The following METAP2 variants were observed in gnomAD, a reference collection of about 807,000 sequenced individuals.
METAP2 encodes the protein methionyl aminopeptidase 2.
In METAP2, 25 loss-of-function variants were observed where a neutral mutation model predicts 59.4. The observed-to-expected ratio is 0.42, with a 90% CI of 0.31 to 0.59. METAP2 has a LOEUF of 0.59. METAP2 is among the 20% of genes least tolerant of loss of function. The pLI, the probability that METAP2 is intolerant of heterozygous loss-of-function variation, is 0.16. For synonymous variants in METAP2, 214 were observed against 194.1 expected (o/e 1.10, Z -0.85); for missense variants, 366 against 581.2 (o/e 0.63, Z 3.81).
At chr12:95,485,778 A>G (rs2076191999) in intron 3 of METAP2, 101 bp from the exon 4 acceptor site, 2 of 755,890 alleles carry the variant, frequency 2.6e-6, no homozygotes, top group South Asian at 2.4e-5. Context: ...AGTTTCCTTA[A>G]AATCAGAACA....
At chr12:95,499,932 A>C (rs972914579) in intron 7 of METAP2, among the ~76,000 whole-genome samples, 2 of 152,186 alleles carry the variant, frequency 1.3e-5, no homozygotes, top group Non-Finnish European at 2.9e-5. Context: ...AGAACTTCCT[A>C]TCATGAGAAC....
rs548461203 is a variant in METAP2, at chr12:95,478,525, G to A, written c.259+2347G>A. 1.0e-3 allele frequency among the ~76,000 whole-genome samples: 155 copies of A among 152,136 alleles called. 1 individual carries two copies. Among genetic ancestry groups the A allele is most frequent in the Middle Eastern group, 3.4e-3 (1 of 294 alleles). ...TGGGTGCCTGTAATCCCAGCTACTC[G>A]GGAGGCTGAGGCAGGAAAATTGCTT... is the stretch of plus-strand genomic sequence containing the variant. On this transcript the variant is annotated intron_variant, in intron 2 of 10. Coordinates refer to ENST00000323666, the MANE Select transcript of METAP2 (RefSeq NM_006838.4).
intron 8 of METAP2, among the ~76,000 whole-genome samples, chr12:95,507,443 C>T (rs1240643419): frequency 1.3e-5 from 2 of 152,368 alleles, no homozygotes; most frequent in South Asian, 2.1e-4. Context: ...ATTTTTTCCA[C>T]GTTGCATAAA....
chr12:95,505,628 G>A (rs2076352993), intron 8 of METAP2, among the ~76,000 whole-genome samples: 3 of 152,080 alleles, frequency 2.0e-5, no homozygotes, highest in Non-Finnish European at 1.5e-5. Context: ...CTGAGTAGCT[G>A]AGATTACAGA....
chr12:95,480,927 A>C (rs776895939), intron 2 of METAP2, among the ~76,000 whole-genome samples: 19 of 152,206 alleles, frequency 1.2e-4, no homozygotes, highest in Admixed American at 2.0e-4. Context: ...TGCTGTCTCT[A>C]AGGTCACAAA....
chr12:95,484,925 CTTTA>C (rs1460935438), intron 3 of METAP2: 8 of 439,110 alleles, frequency 1.8e-5, no homozygotes, highest in East Asian at 7.6e-5. Context: ...TTGAATGTCT[CTTTA>C]TTTGTTTATT....
intron 3 of METAP2, among the ~76,000 whole-genome samples, chr12:95,485,026 A>C (rs2076185348): frequency 6.6e-6 from 1 of 152,178 alleles, no homozygotes; most frequent in South Asian, 2.1e-4. Flanking sequence ...CATTTTCCTC[A>C]TCTATACAGT....
chr12:95,505,384 A>G (rs917316514), intron 8 of METAP2, among the ~76,000 whole-genome samples: 3 of 152,098 alleles, frequency 2.0e-5, no homozygotes, highest in Non-Finnish European at 4.4e-5. Flanking sequence ...CTGGGATGCA[A>G]TGATGCAATC....
At position 95,514,924 on chromosome 12, in the gene METAP2, G is replaced by T. The variant is rs199552693; in HGVS notation, c.*1020G>T. On this transcript the variant is annotated 3_prime_UTR_variant, in exon 11 of 11. Coordinates refer to ENST00000323666, the MANE Select transcript of METAP2 (RefSeq NM_006838.4). ...TACTAGTGGTATTTCAGGAAGTGAC[G>T]TTACAGTTACTTTCCTTATAGCGGC... The T allele has an allele frequency of 6.6e-6, 1 of 152,490 alleles. No homozygotes were observed. Among genetic ancestry groups the T allele is most frequent in the Non-Finnish European group, 1.5e-5 (1 of 68,016 alleles). 9.4% of individuals were successfully genotyped at this position (152,490 alleles called of 1,614,324 possible).
intron 1 of METAP2, among the ~76,000 whole-genome samples, chr12:95,474,942 C>G (rs1050656743): frequency 6.6e-6 from 1 of 152,132 alleles, no homozygotes; most frequent in African/African-American, 2.4e-5. Context: ...AATCCCATAG[C>G]ATCGCCAAGC....
intron 2 of METAP2, among the ~76,000 whole-genome samples, chr12:95,477,137 T>C (rs1260507594): frequency 6.6e-6 from 1 of 152,092 alleles, no homozygotes; most frequent in African/African-American, 2.4e-5. Flanking sequence ...CGAGTCTCGC[T>C]CTGTCGCACA....
At chr12:95,497,292 A>G (rs1160484300) in intron 7 of METAP2, among the ~76,000 whole-genome samples, 1 of 152,064 alleles carries the variant, frequency 6.6e-6, no homozygotes, top group Non-Finnish European at 1.5e-5. Context: ...CCACCATTCT[A>G]CTATATATGA....
At chr12:95,494,646 T>C (rs10859888) in intron 5 of METAP2, among the ~76,000 whole-genome samples, 44,917 of 152,018 alleles carry the variant, frequency 0.3, 7,321 homozygotes, top group East Asian at 0.48. Flanking sequence ...TTAAAAAATA[T>C]ACAACATGAA....
At chr12:95,481,335 T>G (rs1594412102) in intron 2 of METAP2, among the ~76,000 whole-genome samples, 1 of 152,180 alleles carries the variant, frequency 6.6e-6, no homozygotes, top group East Asian at 1.9e-4. Context: ...TTCCTGAGTC[T>G]GGGAGATTGA....
intron 8 of METAP2, among the ~76,000 whole-genome samples, chr12:95,510,716 T>G (rs1594439996): frequency 6.6e-6 from 1 of 152,172 alleles, no homozygotes; most frequent in Non-Finnish European, 1.5e-5. Context: ...GCTTGTGGGG[T>G]CAGTTTGCCA....
At chr12:95,474,650 A>G (rs970485662) in intron 1 of METAP2, among the ~76,000 whole-genome samples, 1 of 152,226 alleles carries the variant, frequency 6.6e-6, no homozygotes, top group African/African-American at 2.4e-5. Flanking sequence ...GATTGTGCGC[A>G]GAGCACAGCC....
chr12:95,506,328 A>C (rs1594435742), intron 8 of METAP2, among the ~76,000 whole-genome samples: 6 of 125,880 alleles, frequency 4.8e-5, no homozygotes, highest in Admixed American at 1.8e-4. Context: ...ACGCAATCTC[A>C]CTCTGTCGCC....
intron 7 of METAP2, among the ~76,000 whole-genome samples, chr12:95,502,362 G>C (rs904543886): frequency 6.6e-6 from 1 of 152,128 alleles, no homozygotes; most frequent in African/African-American, 2.4e-5. Context: ...ATGGGTGACA[G>C]CTTTTTTTCT....
At chr12:95,486,903 T>C (rs1017381017) in intron 4 of METAP2, among the ~76,000 whole-genome samples, 9 of 152,204 alleles carry the variant, frequency 5.9e-5, no homozygotes, top group African/African-American at 2.2e-4. Context: ...AAGGATACAT[T>C]TAAAATGGTT....
Sources: allele counts gnomAD v4.1 joint callset (sites outside exome capture counted in the v4.1 genomes callset), GRCh38; gene constraint gnomAD v4.1.1; transcripts MANE v1.5; gene names NCBI Gene and HGNC (gene_info 2026-07-23, HGNC 2026-07-21).